LOXHD1: variants seen among roughly 807,000 people sequenced by gnomAD.
LOXHD1 encodes the protein lipoxygenase homology domain-containing protein 1.
LOXHD1 carries 205 observed loss-of-function variants against 248.2 expected under a neutral mutation model. That is an observed-to-expected ratio of 0.83 (90% CI 0.74 to 0.93). The LOEUF is 0.93. Among genes scored for constraint, LOXHD1 ranks in the 40% least tolerant of loss-of-function variants. The pLI, the probability that LOXHD1 is intolerant of heterozygous loss-of-function variation, is 0.00. For synonymous variants in LOXHD1, 1,113 were observed against 1,162.8 expected, an observed-to-expected ratio of 0.96 and a Z score of 0.87; for missense variants, 2,930 against 2,971.6, an observed-to-expected ratio of 0.99 and a Z score of 0.33.
At chr18:46,612,179 A>T (rs1457141195) in intron 5 of LOXHD1, among the ~76,000 whole-genome samples, 2 of 152,168 alleles carry the variant, frequency 1.3e-5, no homozygotes, top group Non-Finnish European at 2.9e-5. Flanking sequence ...TTGCTATTGC[A>T]AGCAGCACTA....
At chr18:46,533,076 G>T in intron 28 of LOXHD1, 86 bp downstream of exon 28, 3 of 1,427,132 alleles carry the variant, frequency 2.1e-6, no homozygotes, top group South Asian at 1.3e-5. Flanking sequence ...GGGTGAAGAG[G>T]CTTAGCCTGG....
chr18:46,562,966 C>T lies in LOXHD1; in HGVS notation c.2598+99G>A, dbSNP rs1421224554. ...CCCAACTGGAGGGAGGCAGCCCATT[C>T]TCGGGTGAGTATTGACTGAGGAAAT... On this transcript the variant is annotated intron_variant, in intron 18 of 40. Coordinates refer to ENST00000642948, the MANE Select transcript of LOXHD1 (RefSeq NM_001384474.1). 5 of 1,374,080 alleles carry T rather than the reference C, an allele frequency of 3.6e-6. No homozygotes were observed. The African/African-American group carries it at 7.2e-5, about 20-fold the overall frequency. 85.1% of individuals were successfully genotyped at this position (1,374,080 alleles called of 1,614,324 possible). A position where few individuals can be genotyped will look rare whatever the true frequency, so the allele number is the denominator to read the frequency against.
chr18:46,507,846 C>T (rs1235176258), intron 35 of LOXHD1, 134 bp from the exon 36 acceptor site: 4 of 912,724 alleles, frequency 4.4e-6, no homozygotes, highest in Non-Finnish European at 6.5e-6. Context: ...GCGACTGAGA[C>T]CCACGGGGTG....
At position 46,579,698 on chromosome 18, in the gene LOXHD1, C is replaced by T; in HGVS notation, c.1741G>A (p.Val581Met). 1.9e-6 allele frequency: 3 copies of T among 1,551,802 alleles called. No homozygotes were observed. The highest frequency in any genetic ancestry group is 2.6e-6 in the Non-Finnish European group (3 of 1,147,022). Reference sequence around the variant, plus strand: ...AGCAGCCGTTCCCCCGTGTCCCCCACATCACCAAAAAGGCAGAGATAGACG... The same window carrying T: ...AGCAGCCGTTCCCCCGTGTCCCCCATATCACCAAAAAGGCAGAGATAGACG... Reference protein sequence around the residue: ...ANVYLCLFGDVGDTGERLLYN... With the variant: ...ANVYLCLFGDMGDTGERLLYN... Residue 581 changes from valine to methionine, a missense_variant, in exon 13 of 41, where the codon GTG (valine) becomes ATG (methionine). Coordinates refer to ENST00000642948, the MANE Select transcript of LOXHD1 (RefSeq NM_001384474.1).
At position 46,544,089 on chromosome 18, in the gene LOXHD1, A is replaced by T. The variant is rs970346382; in HGVS notation, c.3619+1228T>A. Among the ~76,000 whole-genome samples the T allele has an allele frequency of 2.0e-5, 3 of 152,140 alleles. No homozygotes were observed. The East Asian group carries it at 5.8e-4, about 29-fold the overall frequency. ...CACTGCATTGCCTTTAAGTCCCTGTACCCCAATAAGTCCCAGCTCTGGGCC... is the reference window on the plus strand; with the variant it reads ...CACTGCATTGCCTTTAAGTCCCTGTTCCCCAATAAGTCCCAGCTCTGGGCC... On this transcript the variant is annotated intron_variant, in intron 23 of 40. Coordinates refer to ENST00000642948, the MANE Select transcript of LOXHD1 (RefSeq NM_001384474.1).
intron 34 of LOXHD1, among the ~76,000 whole-genome samples, chr18:46,510,846 C>A (rs78553799): frequency 0.019 from 2,820 of 152,278 alleles, 38 homozygotes; most frequent in Middle Eastern, 0.071. Flanking sequence ...AGCCCCATAT[C>A]CCTCCTCCTC....
chr18:46,619,992 A>G lies in LOXHD1; in HGVS notation c.512-1702T>C, dbSNP rs540140176. ...CGGAGGTTTTGGAAGAGGCCAGGTC[A>G]GGGAACTCTGAGGTGAGCAGCTTGA... On this transcript the variant is annotated intron_variant, in intron 4 of 40. Transcript: ENST00000642948. Among the ~76,000 whole-genome samples, 10 of 152,360 alleles carry G rather than the reference A, an allele frequency of 6.6e-5. No homozygotes were observed. The South Asian group carries it at 2.1e-3, about 32-fold the overall frequency.
In LOXHD1 at chr18:46,521,270, C is replaced by A; in HGVS notation, c.5098G>T (p.Gly1700Trp). 2 of 1,551,670 alleles carry A rather than the reference C, an allele frequency of 1.3e-6. No homozygotes were observed. Among genetic ancestry groups the A allele is most frequent in the Non-Finnish European group, 1.7e-6 (2 of 1,146,974 alleles). The change falls in exon 33 of 41, where the codon GGG (glycine) becomes TGG (tryptophan). Residue 1700 changes from glycine (G) to tryptophan (W), a missense_variant. Coordinates refer to ENST00000642948, the MANE Select transcript of LOXHD1 (RefSeq NM_001384474.1). ...AGCCAGCAGCTCTCAGGGGAGGCCC[C>A]GTCATGGCCCAGCTAGGAGGAGACA... ...IIKKIELGHD[G>W]ASPESCWLVE...
chr18:46,601,655 A>T, intron 7 of LOXHD1, 188 bp from the exon 8 acceptor site: 1 of 733,556 alleles, frequency 1.4e-6, no homozygotes, highest in Non-Finnish European at 2.3e-6. Flanking sequence ...TCTTTTCCAG[A>T]GTTTGTGTGT....
intron 2 of LOXHD1, among the ~76,000 whole-genome samples, chr18:46,646,859 A>C (rs1358782646): frequency 7.2e-5 from 11 of 152,150 alleles, no homozygotes; most frequent in Admixed American, 7.2e-4. Flanking sequence ...GACTATATAC[A>C]CAGAACTGGG....
In LOXHD1 at chr18:46,489,032, G is replaced by A. The variant is rs2033273061; in HGVS notation, c.5989C>T (p.Gln1997Ter). The A allele has an allele frequency of 6.4e-7, 1 of 1,551,684 alleles. No homozygotes were observed. The highest frequency in any genetic ancestry group is 8.7e-7 in the Non-Finnish European group (1 of 1,146,990). The change falls in exon 38 of 41, where the codon CAG (glutamine) becomes TAG (stop). Residue 1997 changes from glutamine to a stop codon, truncating the protein, a stop_gained. Transcript: ENST00000642948. LOFTEE classifies it high-confidence loss of function. ...GCACAGGCAAAGTCGCGGACCGTCT[G>A]CCCGTCACCCTCACTCTTGGAGAGC... ...CWLSKSEGDG[Q>*]TVRDFACANN...
At chr18:46,578,628 A>C (rs142744598) in intron 13 of LOXHD1, among the ~76,000 whole-genome samples, 88 of 152,284 alleles carry the variant, frequency 5.8e-4, no homozygotes, top group Non-Finnish European at 6.6e-4. Flanking sequence ...AGAGGCCTTC[A>C]CTGGAATTCC....
intron 20 of LOXHD1, among the ~76,000 whole-genome samples, chr18:46,558,465 T>G (rs962593648): frequency 1.1e-4 from 17 of 152,218 alleles, no homozygotes; most frequent in Non-Finnish European, 2.9e-5. Flanking sequence ...TAGAAATTTT[T>G]TCCTAATCCA....
chr18:46,608,084 G>GGAAGGAAGGAAGGAAA (rs1568214574), intron 6 of LOXHD1, among the ~76,000 whole-genome samples: 52 of 146,514 alleles, frequency 3.5e-4, no homozygotes, highest in African/African-American at 1.2e-3. Flanking sequence ...AAGGAAGGGA[G>GGAAGGAAGGAAGGAAA]GAAGGAAGGG....
intron 28 of LOXHD1, among the ~76,000 whole-genome samples, chr18:46,530,702 A>G (rs2036026183): frequency 1.3e-5 from 2 of 152,290 alleles, no homozygotes; most frequent in East Asian, 1.9e-4. Flanking sequence ...GCTTGTCCCC[A>G]TGGCTGTAGA....
chr18:46,483,337 A>C (rs1437607027), intron 40 of LOXHD1, among the ~76,000 whole-genome samples: 1 of 152,098 alleles, frequency 6.6e-6, no homozygotes, highest in Non-Finnish European at 1.5e-5. Context: ...GCATCCCTGG[A>C]TCCAAAGACT....
intron 4 of LOXHD1, 43 bp downstream of exon 4, chr18:46,639,573 C>T (rs1568229524): frequency 2.0e-6 from 3 of 1,528,134 alleles, no homozygotes; most frequent in East Asian, 2.5e-5. Flanking sequence ...TGAGCCCAGC[C>T]CAGCTAGGGA....
intron 16 of LOXHD1, 103 bp from the exon 17 acceptor site, chr18:46,566,552 C>T: frequency 1.0e-6 from 1 of 997,850 alleles, no homozygotes; most frequent in South Asian, 1.5e-5. Flanking sequence ...CAACCCAGGT[C>T]TCCAGTCCCC....
chr18:46,533,648 G>T, intron 27 of LOXHD1: 1 of 329,950 alleles, frequency 3.0e-6, no homozygotes, highest in South Asian at 2.9e-5. Context: ...CTCTGGCTGG[G>T]CATGGTGGCT....
Sources: allele counts gnomAD v4.1 joint callset (sites outside exome capture counted in the v4.1 genomes callset), GRCh38; gene constraint gnomAD v4.1.1; transcripts MANE v1.5; gene names NCBI Gene and HGNC (gene_info 2026-07-23, HGNC 2026-07-21).